CFAP54: variants seen among roughly 807,000 people sequenced by gnomAD.
CFAP54 encodes cilia- and flagella-associated protein 54.
CFAP54 carries 290 observed loss-of-function variants against 370.4 expected under a neutral mutation model. The observed-to-expected ratio is 0.78, with a 90% CI of 0.71 to 0.86. The LOEUF (loss-of-function observed/expected upper bound fraction) is 0.86, where lower values mean the gene tolerates loss of function less well. Among genes scored for constraint, CFAP54 ranks in the 40% least tolerant of loss-of-function variants. The pLI is 0.00. For synonymous variants in CFAP54, 1,206 were observed against 1,236.5 expected (o/e 0.98, Z 0.52); for missense variants, 3,399 against 3,528.7 (o/e 0.96, Z 0.93).
chr12:96,515,919 T>TG (rs1955227162), intron 5 of CFAP54, among the ~76,000 whole-genome samples: 1 of 119,494 alleles, frequency 8.4e-6, no homozygotes, highest in Non-Finnish European at 1.7e-5. Context: ...TATGTTTTTT[T>TG]TTTTTTTTTT....
chr12:96,676,022 G>GT lies in CFAP54; in HGVS notation c.5564-3578_5564-3577insT, dbSNP rs1468218984. Reference sequence around the variant, plus strand: ...TTAGTGGGTGCAGCACACCACCATGGCACATGTATACATATGTAACAAACC... The same window carrying GT: ...TTAGTGGGTGCAGCACACCACCATGGTCACATGTATACATATGTAACAAACC... On this transcript the variant is annotated intron_variant, in intron 39 of 67. Transcript: ENST00000524981. Among the ~76,000 whole-genome samples the GT allele has an allele frequency of 2.6e-5, 4 of 152,056 alleles. No homozygotes were observed. The East Asian group carries it at 7.7e-4, about 29-fold the overall frequency.
chr12:96,826,292 C>CAT (rs1008860362), intron 65 of CFAP54, among the ~76,000 whole-genome samples: 59 of 75,388 alleles, frequency 7.8e-4, no homozygotes, highest in Admixed American at 1.2e-3. Context: ...ATATTCAAGA[C>CAT]ATATATATAT....
intron 60 of CFAP54, among the ~76,000 whole-genome samples, chr12:96,779,061 C>T (rs961552908): frequency 6.8e-6 from 1 of 146,584 alleles, no homozygotes; most frequent in Non-Finnish European, 1.5e-5. Context: ...GAGCTGAGAT[C>T]GTGCCATCGC....
At position 96,784,894 on chromosome 12, in the gene CFAP54, G is replaced by C. The variant is rs2136693778; in HGVS notation, c.8455+4G>C. 6.7e-7 allele frequency: 1 copy of C among 1,503,178 alleles called. No individual in the cohort carries two copies. The highest frequency in any genetic ancestry group is 1.3e-5 in the South Asian group (1 of 78,234). The allele number at this position is 1,503,178 out of a possible 1,614,324, so 93.1% of individuals were successfully genotyped here. On this transcript the variant is annotated splice_donor_region_variant and intron_variant, in intron 61 of 67. Coordinates refer to ENST00000524981, the MANE Select transcript of CFAP54 (RefSeq NM_001306084.2). ...AATAATCTGAGCAAACTGCTAGGTA[G>C]GTTTTTTGATGTGTTAAGAGAGAAC...
At position 96,622,862 on chromosome 12, in the gene CFAP54, CT is replaced by C. The variant is rs926995871; in HGVS notation, c.3772-895del. Among the ~76,000 whole-genome samples, 458 of 150,266 alleles carry C rather than the reference CT, an allele frequency of 3.0e-3. 3 individuals are homozygous for C. The highest frequency in any genetic ancestry group is 0.01 in the African/African-American group (412 of 40,956). ...CTGGATGACTTTTTAAGCTATAATA[CT>C]TTTTTTTTTCCTAGTTGGAAGGATG... On this transcript the variant is annotated intron_variant, in intron 27 of 67. Transcript: ENST00000524981.
At chr12:96,665,016 G>T (rs1957062596) in intron 39 of CFAP54, among the ~76,000 whole-genome samples, 2 of 151,492 alleles carry the variant, frequency 1.3e-5, no homozygotes, top group Non-Finnish European at 2.9e-5. Flanking sequence ...CATTCTGACT[G>T]GTGTGAGATG....
intron 64 of CFAP54, among the ~76,000 whole-genome samples, chr12:96,816,824 G>A (rs938492923): frequency 6.6e-6 from 1 of 152,146 alleles, no homozygotes; most frequent in Non-Finnish European, 1.5e-5. Context: ...TTCACCTTCT[G>A]CCTCCACTCC....
intron 17 of CFAP54, among the ~76,000 whole-genome samples, chr12:96,555,345 A>G (rs1955740701): frequency 6.6e-6 from 1 of 151,944 alleles, no homozygotes. Flanking sequence ...AATGCTGGTT[A>G]ATTTAAGAGT....
intron 60 of CFAP54, among the ~76,000 whole-genome samples, chr12:96,774,066 G>T (rs755404556): frequency 2.6e-5 from 4 of 151,996 alleles, no homozygotes; most frequent in Non-Finnish European, 5.9e-5. Context: ...AGAAAAAAAG[G>T]TTCAAATTTA....
chr12:96,568,583 AT>A (rs1489641206), intron 19 of CFAP54, among the ~76,000 whole-genome samples: 2 of 152,148 alleles, frequency 1.3e-5, no homozygotes, highest in African/African-American at 4.8e-5. Context: ...AAATACATTT[AT>A]TTCCCTTGGC....
rs139611318 is a variant in CFAP54 at position 96,629,091 on chromosome 12, T to A, written c.4104-1002T>A. On this transcript the variant is annotated intron_variant, in intron 30 of 67. Coordinates refer to ENST00000524981, the MANE Select transcript of CFAP54 (RefSeq NM_001306084.2). ...ATGGAACCAAAGAGATTGAAATCTGTTGGAAGCAAGGAAGCTTGTCTAGGG... is the reference window on the plus strand; with the variant it reads ...ATGGAACCAAAGAGATTGAAATCTGATGGAAGCAAGGAAGCTTGTCTAGGG... Among the ~76,000 whole-genome samples, 241 of 152,238 alleles carry A rather than the reference T, an allele frequency of 1.6e-3. 1 individual carries two copies. Among genetic ancestry groups the A allele is most frequent in the African/African-American group, 5.6e-3 (232 of 41,556 alleles).
intron 26 of CFAP54, among the ~76,000 whole-genome samples, chr12:96,601,934 G>A (rs962573321): frequency 1.3e-5 from 2 of 151,996 alleles, no homozygotes; most frequent in Admixed American, 1.3e-4. Flanking sequence ...TTTTTTGAAG[G>A]CTTTTTTGTG....
At chr12:96,784,014 A>G (rs543866823) in intron 60 of CFAP54, among the ~76,000 whole-genome samples, 1 of 152,332 alleles carries the variant, frequency 6.6e-6, no homozygotes. Flanking sequence ...ACTCCACACT[A>G]TATTTTCTCT....
chr12:96,636,899 GATA>G (rs145371254), intron 32 of CFAP54, among the ~76,000 whole-genome samples: 6,842 of 152,200 alleles, frequency 0.045, 240 homozygotes, highest in South Asian at 0.19. Context: ...GCTTTATTGA[GATA>G]ATAAGTCACA....
At position 96,860,917 on chromosome 12, in the gene CFAP54, G is replaced by T; in HGVS notation, c.9270G>T (p.Trp3090Cys). 6.5e-7 allele frequency: 1 copy of T among 1,534,570 alleles called. No individual in the cohort carries two copies. The highest frequency in any genetic ancestry group is 1.7e-4 in the Middle Eastern group (1 of 5,978). ...CILSGGSLFNWIVSIIP is the reference protein window; with the variant it reads ...CILSGGSLFNCIVSIIP ...TATCAGGAGGAAGCCTTTTCAACTGGATAGTGTCAATTATTCCCTGAATAT... is the reference window on the plus strand; with the variant it reads ...TATCAGGAGGAAGCCTTTTCAACTGTATAGTGTCAATTATTCCCTGAATAT... Residue 3090 changes from tryptophan (W) to cysteine (C), a missense_variant, in exon 67 of 68, where the codon TGG becomes TGT. Trp to Cys is a radical substitution (Grantham distance 215). This residue lies in a region of CFAP54 where 2,796 missense variants were observed against 2,869.7 expected (regional missense o/e 0.97). Coordinates refer to ENST00000524981, the MANE Select transcript of CFAP54 (RefSeq NM_001306084.2).
At chr12:96,832,800 T>A (rs149579436) in intron 66 of CFAP54, among the ~76,000 whole-genome samples, 1 of 152,242 alleles carries the variant, frequency 6.6e-6, no homozygotes, top group African/African-American at 2.4e-5. Flanking sequence ...TATTGCAGGA[T>A]CCCAACATGA....
chr12:96,726,071 G>C (rs1332703280), intron 50 of CFAP54, among the ~76,000 whole-genome samples: 11 of 147,786 alleles, frequency 7.4e-5, no homozygotes, highest in Non-Finnish European at 7.5e-5. Context: ...TGCTGGATTT[G>C]GTTTGCCAGT....
intron 55 of CFAP54, among the ~76,000 whole-genome samples, chr12:96,752,075 T>C (rs1223275913): frequency 9.1e-6 from 1 of 109,380 alleles, no homozygotes; most frequent in African/African-American, 3.3e-5. Flanking sequence ...CTCAGTAACT[T>C]CTTCCTGGAT....
intron 32 of CFAP54, among the ~76,000 whole-genome samples, chr12:96,631,144 A>G (rs1230312364): frequency 1.3e-5 from 2 of 151,920 alleles, no homozygotes; most frequent in African/African-American, 4.8e-5. Context: ...CACCGCATAG[A>G]TATTAATAGA....
Sources: gnomAD v4.1 joint callset for allele counts (sites outside exome capture counted in the v4.1 genomes callset) on GRCh38, gnomAD v4.1.1 for gene constraint, gnomAD v4.1.1 regional missense constraint, MANE v1.5 for transcripts, NCBI Gene and HGNC (gene_info 2026-07-23, HGNC 2026-07-21) for gene names.